Variants in GRID1 observed in about 807,000 individuals in gnomAD.
GRID1 encodes glutamate ionotropic receptor delta type subunit 1.
GRID1 carries 28 observed loss-of-function variants against 98.0 expected under a neutral mutation model. The ratio of observed to expected loss-of-function variants is 0.29; its 90% CI spans 0.21 to 0.39. GRID1 has a LOEUF of 0.39. Ranked by LOEUF, GRID1 falls within the 10% of genes least tolerant of loss-of-function variation. GRID1 has a pLI of 1.00. For missense variants in GRID1, 1,111 were observed against 1,340.5 expected (o/e 0.83, Z 2.67); for synonymous variants, 553 against 538.5 (o/e 1.03, Z -0.37).
chr10:86,124,856 T>C (rs867171798), intron 4 of GRID1, among the ~76,000 whole-genome samples: 1 of 152,170 alleles, frequency 6.6e-6, no homozygotes, highest in African/African-American at 2.4e-5. Flanking sequence ...CGGGAGCTTA[T>C]GGAAACCTTA....
chr10:86,274,841 A>G (rs1260450505), intron 2 of GRID1, among the ~76,000 whole-genome samples: 1 of 151,726 alleles, frequency 6.6e-6, no homozygotes, highest in African/African-American at 2.4e-5. Flanking sequence ...TAGATATACA[A>G]TCATGTCATC....
intron 4 of GRID1, among the ~76,000 whole-genome samples, chr10:86,081,957 T>G (rs1843984584): frequency 1.3e-5 from 2 of 152,208 alleles, no homozygotes; most frequent in Admixed American, 1.3e-4. Flanking sequence ...CCCATAACAT[T>G]TACAGCACCA....
chr10:86,002,419 A>C (rs976379811), intron 4 of GRID1, among the ~76,000 whole-genome samples: 1 of 152,196 alleles, frequency 6.6e-6, no homozygotes, highest in Non-Finnish European at 1.5e-5. Context: ...TTTTCCTATA[A>C]TACAGGCTGC....
chr10:85,728,234 A>G (rs1430357427), intron 9 of GRID1, among the ~76,000 whole-genome samples, 182 bp from the exon 10 acceptor site: 1 of 152,226 alleles, frequency 6.6e-6, no homozygotes, highest in Non-Finnish European at 1.5e-5. Flanking sequence ...AACAGTGCAC[A>G]GGATGATCAC....
chr10:85,770,090 C>A (rs529223409), intron 8 of GRID1, among the ~76,000 whole-genome samples: 4 of 152,340 alleles, frequency 2.6e-5, no homozygotes, highest in African/African-American at 9.6e-5. Flanking sequence ...TAGGGGCAGA[C>A]TGACACCTCA....
intron 13 of GRID1, among the ~76,000 whole-genome samples, chr10:85,643,306 CTGTT>C (rs1843146544): frequency 1.3e-5 from 2 of 152,112 alleles, no homozygotes; most frequent in South Asian, 2.1e-4. Flanking sequence ...GCAGCAGACT[CTGTT>C]TGGGATTTGG....
rs528683653 is a variant in GRID1 at position 85,672,820 on chromosome 10, A to G, written c.1998-25423T>C. ...GATTAATGTTGTCTTCATGCCTGTT[A>G]TTACAACATCCATTCTGCAGCCCAT... On this transcript the variant is annotated intron_variant, in intron 12 of 15. Coordinates refer to ENST00000327946, the MANE Select transcript of GRID1 (RefSeq NM_017551.3). Among the ~76,000 whole-genome samples the G allele has an allele frequency of 2.0e-5, 3 of 152,336 alleles. No homozygotes were observed. In the South Asian group the frequency reaches 6.2e-4, roughly 32 times the overall value.
At chr10:86,297,234 T>A (rs1564732061) in intron 2 of GRID1, among the ~76,000 whole-genome samples, 1 of 152,062 alleles carries the variant, frequency 6.6e-6, no homozygotes, top group African/African-American at 2.4e-5. Context: ...GATATAAAAA[T>A]TATTAGAAAG....
At chr10:85,723,387 G>A (rs1841725808) in intron 11 of GRID1, among the ~76,000 whole-genome samples, 1 of 152,180 alleles carries the variant, frequency 6.6e-6, no homozygotes, top group African/African-American at 2.4e-5. Context: ...TTCTAGTGGT[G>A]CGAAGGTTGT....
chr10:85,888,063 T>C (rs1841142655), intron 5 of GRID1, among the ~76,000 whole-genome samples: 2 of 152,186 alleles, frequency 1.3e-5, no homozygotes, highest in African/African-American at 4.8e-5. Flanking sequence ...AAATCTTAGG[T>C]ACCCTTGACC....
chr10:86,290,991 C>T (rs571303957), intron 2 of GRID1, among the ~76,000 whole-genome samples: 62 of 152,250 alleles, frequency 4.1e-4, no homozygotes, highest in Middle Eastern at 3.4e-3. Flanking sequence ...GGTCCCAGTC[C>T]CTGAAAGGCT....
chr10:86,306,305 T>A (rs1847758003), intron 2 of GRID1, among the ~76,000 whole-genome samples: 1 of 152,234 alleles, frequency 6.6e-6, no homozygotes, highest in Admixed American at 6.5e-5. Flanking sequence ...GGACTGAGTA[T>A]TCATGGGCTC....
chr10:85,865,931 A>G (rs1307190298), intron 6 of GRID1, among the ~76,000 whole-genome samples: 3 of 114,860 alleles, frequency 2.6e-5, no homozygotes, highest in Non-Finnish European at 5.1e-5. Flanking sequence ...ATATATATAT[A>G]TATATATATA....
At chr10:86,146,929 G>A (rs1276095168) in intron 3 of GRID1, among the ~76,000 whole-genome samples, 2 of 152,204 alleles carry the variant, frequency 1.3e-5, no homozygotes, top group Non-Finnish European at 2.9e-5. Flanking sequence ...AGTCAGCGGG[G>A]CACCAAGCAG....
intron 2 of GRID1, among the ~76,000 whole-genome samples, chr10:86,227,303 G>A (rs1302787679): frequency 6.6e-6 from 1 of 152,184 alleles, no homozygotes; most frequent in African/African-American, 2.4e-5. Context: ...TAGGCACTGA[G>A]GTGGCCCATG....
intron 4 of GRID1, among the ~76,000 whole-genome samples, chr10:86,069,043 T>C (rs1260079895): frequency 6.6e-6 from 1 of 151,536 alleles, no homozygotes; most frequent in Non-Finnish European, 1.5e-5. Flanking sequence ...GGAGAAGCTG[T>C]GGGAAGGGGG....
At chr10:86,056,823 A>T (rs1214970515) in intron 4 of GRID1, among the ~76,000 whole-genome samples, 2 of 152,166 alleles carry the variant, frequency 1.3e-5, no homozygotes, top group African/African-American at 4.8e-5. Flanking sequence ...AGGCCCTTCC[A>T]AGGGCTTGAA....
intron 8 of GRID1, among the ~76,000 whole-genome samples, chr10:85,852,173 G>A (rs1373379568): frequency 6.6e-6 from 1 of 152,202 alleles, no homozygotes. Flanking sequence ...CTGCTAGGCA[G>A]ACAGATAACA....
At chr10:86,005,500 G>T (rs943498307) in intron 4 of GRID1, among the ~76,000 whole-genome samples, 11 of 152,154 alleles carry the variant, frequency 7.2e-5, no homozygotes, top group Non-Finnish European at 1.5e-5. Flanking sequence ...TGTGAAACTA[G>T]AATATCTAAT....
Sources: gnomAD v4.1 joint callset for allele counts (sites outside exome capture counted in the v4.1 genomes callset) on GRCh38, gnomAD v4.1.1 for gene constraint, MANE v1.5 for transcripts, NCBI Gene and HGNC (gene_info 2026-07-23, HGNC 2026-07-21) for gene names.